The following MYO15B variants were observed in gnomAD, a reference collection of about 807,000 sequenced individuals.
MYO15B encodes myosin XVB.
MYO15B carries 207 observed loss-of-function variants against 119.3 expected under a neutral mutation model. The ratio of observed to expected loss-of-function variants is 1.73; its 90% CI spans 1.55 to 1.95. The LOEUF (loss-of-function observed/expected upper bound fraction) is 1.95. Among genes scored for constraint, MYO15B ranks in the 30% most tolerant of loss-of-function variants. The pLI, the probability that MYO15B is intolerant of heterozygous loss-of-function variation, is 0.00. For missense variants in MYO15B, 2,264 were observed against 1,203.1 expected (o/e 1.88, Z -13.04); for synonymous variants, 966 against 498.9 (o/e 1.94, Z -12.48).
exon 42 of MYO15B, chr17:75,617,816 C>A (rs775181590): frequency 1.4e-6 from 1 of 702,032 alleles, no homozygotes; most frequent in South Asian, 1.5e-5. Context: ...CCAGGCTTGA[C>A]ACAGCCCGTG....
In MYO15B at chr17:75,591,582, C is replaced by A; in HGVS notation, c.2436-19C>A. On this transcript the variant is annotated intron_variant, in intron 4 of 63. Transcript: ENST00000645453. ...TATGTGCCCCTCCCTGGAGACCCTA[C>A]CAACCAACACATCCTTAGCTCCTCC... 1 of 702,784 alleles carries A rather than the reference C, an allele frequency of 1.4e-6. No individual in the cohort carries two copies. The highest frequency in any genetic ancestry group is 2.6e-6 in the Non-Finnish European group (1 of 384,902). 43.5% of individuals were successfully genotyped at this position (702,784 alleles called of 1,614,324 possible).
At chr17:75,608,718 C>T (rs991543784) in intron 21 of MYO15B, among the ~76,000 whole-genome samples, 3 of 145,346 alleles carry the variant, frequency 2.1e-5, no homozygotes, top group African/African-American at 7.3e-5. Flanking sequence ...CCACCAAGCC[C>T]GGCTAATTTT....
chr17:75,608,800 C>T (rs1253946375), intron 21 of MYO15B, among the ~76,000 whole-genome samples: 1 of 151,958 alleles, frequency 6.6e-6, no homozygotes, highest in Admixed American at 6.6e-5. Context: ...ATGGCTTGGT[C>T]TCAGCTCAAT....
intron 20 of MYO15B, 91 bp downstream of exon 20, chr17:75,605,712 G>C (rs2057600685): frequency 1.5e-6 from 1 of 678,580 alleles, no homozygotes; most frequent in Non-Finnish European, 2.7e-6. Flanking sequence ...CAGGATTTGG[G>C]GATCCATCCA....
chr17:75,605,846 C>T lies in MYO15B; in HGVS notation c.4135-18C>T. Reference sequence around the variant, plus strand: ...CTGGCTCCTGGCTCCTGCCTACAGCCCACCCCTCTACCCACAGGTCCTGCT... The same window carrying T: ...CTGGCTCCTGGCTCCTGCCTACAGCTCACCCCTCTACCCACAGGTCCTGCT... On this transcript the variant is annotated intron_variant, in intron 20 of 63. Transcript: ENST00000645453. 1.5e-6 allele frequency: 1 copy of T among 677,394 alleles called. No homozygotes were observed. The highest frequency in any genetic ancestry group is 2.7e-6 in the Non-Finnish European group (1 of 367,650). The allele number at this position is 677,394 out of a possible 1,614,324, so 42.0% of individuals were successfully genotyped here.
chr17:75,606,439 C>T (rs1368153312), intron 21 of MYO15B, among the ~76,000 whole-genome samples: 1 of 151,226 alleles, frequency 6.6e-6, no homozygotes, highest in African/African-American at 2.4e-5. Context: ...CTCAGCCTCC[C>T]GAGTAGCTGG....
At chr17:75,624,185 G>C (rs1568233431) in exon 56 of MYO15B, 1 of 702,990 alleles carries the variant, frequency 1.4e-6, no homozygotes, top group East Asian at 2.7e-5. Context: ...AGCTGGCCCG[G>C]AGCAGCCAGG....
chr17:75,602,335 G>T, intron 15 of MYO15B, 182 bp from the exon 16 acceptor site: 1 of 697,012 alleles, frequency 1.4e-6, no homozygotes, highest in Admixed American at 2.0e-5. Context: ...CCTGTCCATG[G>T]GGTGGAATGG....
exon 22 of MYO15B, chr17:75,610,169 G>A: frequency 1.4e-6 from 1 of 699,640 alleles, no homozygotes; most frequent in Non-Finnish European, 2.6e-6. Flanking sequence ...CCTCCAGGAA[G>A]CGGTACCTCC....
At position 75,615,935 on chromosome 17, in the gene MYO15B, G is replaced by GGGGCAGGGGACAT. The variant is rs533412982; in HGVS notation, c.6030+60_6030+72dup. ...AAGGGATGTGAGGGTGGGGACTGCA[G>GGGGCAGGGGACAT]GGGCAGGGGACATGGGCAGGGTGAG... On this transcript the variant is annotated intron_variant, in intron 36 of 63. Coordinates refer to ENST00000645453, the Ensembl canonical transcript of MYO15B. 1.2e-3 allele frequency: 748 copies of GGGGCAGGGGACAT among 619,476 alleles called. 10 individuals carry two copies. The highest frequency in any genetic ancestry group is 0.011 in the South Asian group (597 of 53,852). The allele number at this position is 619,476 out of a possible 1,614,324, so 38.4% of individuals were successfully genotyped here.
exon 10 of MYO15B, chr17:75,594,550 C>A (rs1414759583): frequency 4.6e-6 from 3 of 646,940 alleles, no homozygotes; most frequent in Non-Finnish European, 8.4e-6. Context: ...GCGGGTACCA[C>A]CAGAGTGCCT....
At chr17:75,599,689 G>A (rs1319682494) in intron 14 of MYO15B, among the ~76,000 whole-genome samples, 4 of 151,716 alleles carry the variant, frequency 2.6e-5, no homozygotes, top group South Asian at 2.1e-4. Flanking sequence ...GGCAGATCAC[G>A]AGGTCAGGAG....
At chr17:75,601,308 GT>G in intron 14 of MYO15B, 129 bp from the exon 15 acceptor site, 1 of 592,938 alleles carries the variant, frequency 1.7e-6, no homozygotes, top group Admixed American at 2.9e-5. Context: ...CAAAGCGCTT[GT>G]TTTGGGGAAC....
At position 75,594,832 on chromosome 17, in the gene MYO15B, G is replaced by A. The variant is rs1251910905; in HGVS notation, c.3165-8G>A. 1 of 702,896 alleles carries A rather than the reference G, an allele frequency of 1.4e-6. No individual in the cohort carries two copies. Among genetic ancestry groups the A allele is most frequent in the Non-Finnish European group, 2.6e-6 (1 of 384,982 alleles). 43.5% of individuals were successfully genotyped at this position (702,896 alleles called of 1,614,324 possible). A position where few individuals can be genotyped will look rare whatever the true frequency, so the allele number is the denominator to read the frequency against. ...TCTATGTGGCTCACCCACCCGCCATGCCTACAGGGACGCCCTGGCCAAGGC... is the reference window on the plus strand; with the variant it reads ...TCTATGTGGCTCACCCACCCGCCATACCTACAGGGACGCCCTGGCCAAGGC... On this transcript the variant is annotated splice_polypyrimidine_tract_variant and splice_region_variant and intron_variant, in intron 11 of 63. Coordinates refer to ENST00000645453, the Ensembl canonical transcript of MYO15B.
At chr17:75,624,583 G>A in exon 58 of MYO15B, 2 of 702,986 alleles carry the variant, frequency 2.8e-6, no homozygotes, top group Middle Eastern at 2.3e-4. Context: ...CGGCAAATGG[G>A]TATCACGGAG....
chr17:75,615,486 G>GC lies in MYO15B; in HGVS notation c.5741-15dup, dbSNP rs1287413436. On this transcript the variant is annotated splice_polypyrimidine_tract_variant and intron_variant, in intron 34 of 63. Transcript: ENST00000645453. ...GGCCATGGTGCCCACCACTCTGGCC[G>GC]CCTGCCGCCCTCACAGCCATGGTGG... 8.8e-6 allele frequency: 6 copies of GC among 682,526 alleles called. No homozygotes were observed. In the African/African-American group the frequency reaches 1.1e-4, roughly 12 times the overall value. 42.3% of individuals were successfully genotyped at this position (682,526 alleles called of 1,614,324 possible). A position where few individuals can be genotyped will look rare whatever the true frequency, so the allele number is the denominator to read the frequency against.
chr17:75,602,449 C>T, intron 15 of MYO15B, 68 bp from the exon 16 acceptor site: 1 of 702,862 alleles, frequency 1.4e-6, no homozygotes, highest in Non-Finnish European at 2.6e-6. Flanking sequence ...CATATCCAGC[C>T]TCCCCTCCTT....
chr17:75,625,645 C>A, exon 61 of MYO15B: 1 of 702,992 alleles, frequency 1.4e-6, no homozygotes, highest in Non-Finnish European at 2.6e-6. Context: ...CCAGGAAGCA[C>A]AGATCAGCTT....
chr17:75,589,470 C>CCGTGG lies in MYO15B; in HGVS notation c.1413_1414insCGTGG (p.Glu472ArgfsTer28), dbSNP rs2056297102. On this transcript the variant is annotated frameshift_variant, in exon 1 of 64. Transcript: ENST00000645453. LOFTEE classifies it high-confidence loss of function. This position sits in a 1 kb window ranked among gnomAD's most constrained non-coding sequence, Gnocchi z 4.2. Reference sequence around the variant, plus strand: ...GGAAAGCGGACGAGGGGCGGGGTCACGAGAGAGGTGACGAGGGCCGGGACC... The same window carrying CCGTGG: ...GGAAAGCGGACGAGGGGCGGGGTCACCGTGGGAGAGAGGTGACGAGGGCCGGGACC... 2.5e-6 allele frequency: 1 copy of CCGTGG among 392,850 alleles called. No homozygotes were observed. The allele number at this position is 392,850 out of a possible 1,614,324, so 24.3% of individuals were successfully genotyped here. A position where few individuals can be genotyped will look rare whatever the true frequency, so the allele number is the denominator to read the frequency against.
Sources: allele counts gnomAD v4.1 joint callset (sites outside exome capture counted in the v4.1 genomes callset), GRCh38; gene constraint gnomAD v4.1.1; non-coding constraint Gnocchi (gnomAD v3.1); transcripts MANE v1.5; gene names NCBI Gene and HGNC (gene_info 2026-07-23, HGNC 2026-07-21).